The following LMTK2 variants were observed in gnomAD, a reference collection of about 807,000 sequenced individuals.
LMTK2 encodes the protein serine/threonine-protein kinase LMTK2.
In LMTK2, 37 loss-of-function variants were observed where a neutral mutation model predicts 127.5. The observed-to-expected ratio is 0.29, with a 90% confidence interval of 0.22 to 0.38. The LOEUF (loss-of-function observed/expected upper bound fraction) is 0.38, where lower values mean the gene tolerates loss of function less well. Ranked by LOEUF, LMTK2 falls within the 10% of genes least tolerant of loss-of-function variation. The pLI is 1.00. For synonymous variants in LMTK2, 819 were observed against 810.1 expected (o/e 1.01, Z -0.19); for missense variants, 1,694 against 1,920.3 (o/e 0.88, Z 2.20).
intron 1 of LMTK2, among the ~76,000 whole-genome samples, chr7:98,121,087 G>T (rs534785261): frequency 6.6e-6 from 1 of 152,086 alleles, no homozygotes; most frequent in African/African-American, 2.4e-5. Flanking sequence ...GTCTCACACC[G>T]CCAGTTAGGG....
In LMTK2 at chr7:98,198,313, C is replaced by T. The variant is rs180845170; in HGVS notation, c.4107+3741C>T. On this transcript the variant is annotated intron_variant, in intron 11 of 13. Transcript: ENST00000297293. ...TCAAGCAATTCTCCTGCCTCCACCT[C>T]CTCAATAGCTGGGATTACAGGCGTG... 1.1e-4 allele frequency among the ~76,000 whole-genome samples: 16 copies of T among 152,136 alleles called. No homozygotes were observed. In the East Asian group the frequency reaches 3.1e-3, roughly 29 times the overall value.
At chr7:98,110,117 G>C (rs1796180019) in intron 1 of LMTK2, among the ~76,000 whole-genome samples, 1 of 152,078 alleles carries the variant, frequency 6.6e-6, no homozygotes, top group African/African-American at 2.4e-5. Context: ...CTTGAAGCCT[G>C]ATCAGTCTAT....
chr7:98,205,664 G>A lies in LMTK2; in HGVS notation c.*172G>A, dbSNP rs1326739052. ...TAGCTGCGTTCAAGGCGGGGCCCTC[G>A]GGAGCCCAGGTGCAGAGCGAGGCCG... On this transcript the variant is annotated 3_prime_UTR_variant, in exon 14 of 14. Transcript: ENST00000297293. The A allele has an allele frequency of 5.6e-6, 4 of 712,014 alleles. No individual in the cohort carries two copies. Among genetic ancestry groups the A allele is most frequent in the African/African-American group, 1.8e-5 (1 of 56,412 alleles). The allele number at this position is 712,014 out of a possible 1,614,324, so 44.1% of individuals were successfully genotyped here.
chr7:98,131,976 T>C (rs916251191), intron 1 of LMTK2, among the ~76,000 whole-genome samples: 3 of 152,092 alleles, frequency 2.0e-5, no homozygotes, highest in African/African-American at 7.2e-5. Flanking sequence ...GGGGAAATGA[T>C]TGATAGGAGG....
chr7:98,141,444 A>G lies in LMTK2; in HGVS notation c.279A>G (p.Ala93=), dbSNP rs761343876. 20 of 1,613,258 alleles carry G rather than the reference A, an allele frequency of 1.2e-5. No individual in the cohort carries two copies. Among genetic ancestry groups the G allele is most frequent in the Non-Finnish European group, 1.6e-5 (19 of 1,179,260 alleles). ...FDDEIDFTPP[A]EDTPSVQSPA... is the part of the protein sequence containing the mutation. ...ATGAGATAGATTTCACACCACCAGC[A>G]GAAGACACTCCCTCTGTTCAGTCCC... is the stretch of plus-strand genomic sequence containing the variant. Residue 93 remains alanine, a synonymous_variant, in exon 3 of 14, where the codon GCA becomes GCG. Coordinates refer to ENST00000297293, the MANE Select transcript of LMTK2 (RefSeq NM_014916.4).
chr7:98,124,953 A>G (rs191495683), intron 1 of LMTK2, among the ~76,000 whole-genome samples: 1 of 152,328 alleles, frequency 6.6e-6, no homozygotes, highest in Admixed American at 6.5e-5. Context: ...CATTTCTTGC[A>G]TGATTTAGTT....
At chr7:98,186,779 T>G in intron 8 of LMTK2, 98 bp from the exon 9 acceptor site, 2 of 1,052,898 alleles carry the variant, frequency 1.9e-6, no homozygotes, top group Non-Finnish European at 2.7e-6. Flanking sequence ...GGTTTTTGGA[T>G]TGGGTATATG....
intron 1 of LMTK2, among the ~76,000 whole-genome samples, chr7:98,125,200 G>T (rs1055910357): frequency 4.6e-5 from 7 of 152,130 alleles, no homozygotes; most frequent in Admixed American, 3.9e-4. Context: ...CTACTCAGGA[G>T]GCTGAGGCAG....
In LMTK2 at chr7:98,193,111, G is replaced by T. The variant is rs1323329049; in HGVS notation, c.2646G>T (p.Arg882Ser). 6 of 1,613,664 alleles carry T rather than the reference G, an allele frequency of 3.7e-6. No homozygotes were observed. Among genetic ancestry groups the T allele is most frequent in the African/African-American group, 1.3e-5 (1 of 75,008 alleles). ...TDARTHSLDN[R>S]SQDSPGESEE... ...CCAGAACCCACAGCCTGGATAACAG[G>T]TCCCAGGACTCTCCTGGCGAGAGTG... The change falls in exon 11 of 14, where the codon AGG becomes AGT. Residue 882 changes from arginine (R) to serine (S), a missense_variant. Around this residue, in one of 8 missense-constraint regions of LMTK2, gnomAD observed 527 missense variants for 539.8 expected, o/e 0.98. Transcript: ENST00000297293. The surrounding 1 kb of genome is among the most constrained non-coding windows in gnomAD (Gnocchi z 4.1).
At chr7:98,157,493 A>AAAACT (rs1285359567) in intron 5 of LMTK2, among the ~76,000 whole-genome samples, 3 of 152,148 alleles carry the variant, frequency 2.0e-5, no homozygotes, top group Non-Finnish European at 4.4e-5. Flanking sequence ...CAGAGCAGTG[A>AAAACT]AAACTTTTTT....
rs765180124 is a variant in LMTK2, at chr7:98,193,040, A to G, written c.2575A>G (p.Ser859Gly). The G allele has an allele frequency of 5.4e-5, 87 of 1,614,026 alleles. No homozygotes were observed. Among genetic ancestry groups the G allele is most frequent in the Non-Finnish European group, 7.4e-5 (87 of 1,180,034 alleles). ...VPEDCLHQDI[S>G]PDAVTVPVEI... ...GGAGGACTGTCTCCACCAGGACATC[A>G]GTCCAGACGCTGTGACTGTCCCGGT... The change falls in exon 11 of 14, where the codon AGT (serine) becomes GGT (glycine). Residue 859 changes from serine to glycine, a missense_variant. By Grantham distance (56) the Ser-to-Gly change is moderately conservative. Coordinates refer to ENST00000297293, the MANE Select transcript of LMTK2 (RefSeq NM_014916.4). This position sits in a 1 kb window ranked among gnomAD's most constrained non-coding sequence, Gnocchi z 4.1.
chr7:98,176,295 C>A (rs566015999), intron 7 of LMTK2, among the ~76,000 whole-genome samples: 2 of 152,112 alleles, frequency 1.3e-5, no homozygotes, highest in Non-Finnish European at 2.9e-5. Context: ...TTTCTTCCGA[C>A]AGGAAAGGAA....
intron 3 of LMTK2, among the ~76,000 whole-genome samples, chr7:98,148,971 C>T (rs570463567): frequency 1.3e-5 from 2 of 152,364 alleles, no homozygotes; most frequent in African/African-American, 4.8e-5. Context: ...AAATCTCACT[C>T]CCCGGCTTTT....
intron 7 of LMTK2, among the ~76,000 whole-genome samples, chr7:98,178,424 T>C (rs1433892291): frequency 6.6e-6 from 1 of 152,196 alleles, no homozygotes; most frequent in South Asian, 2.1e-4. Context: ...GCTCCCACTT[T>C]CTGTCGATCG....
intron 11 of LMTK2, among the ~76,000 whole-genome samples, chr7:98,201,790 T>A (rs1248026023): frequency 6.6e-6 from 1 of 152,110 alleles, no homozygotes; most frequent in Admixed American, 6.6e-5. Flanking sequence ...TTAAATTGTT[T>A]GTAGAGACAG....
intron 3 of LMTK2, among the ~76,000 whole-genome samples, chr7:98,142,356 GTT>G (rs1796711395): frequency 1.3e-5 from 2 of 152,246 alleles, no homozygotes; most frequent in South Asian, 4.1e-4. Flanking sequence ...ACGTGACATA[GTT>G]GGTGCATTTC....
Position 98,193,264 on chromosome 7 carries a change from C to T in LMTK2, c.2799C>T (p.Asp933=), listed in dbSNP as rs149813191. Residue 933 remains aspartate (D), a synonymous_variant, in exon 11 of 14, where the codon GAC becomes GAT. Coordinates refer to ENST00000297293, the MANE Select transcript of LMTK2 (RefSeq NM_014916.4). The surrounding 1 kb of genome is among the most constrained non-coding windows in gnomAD (Gnocchi z 4.1). ...TGCACAATAAACCATTTTCGGAAGACCATCACAGTCATCGCCGGCTAGAGA... is the reference window on the plus strand; with the variant it reads ...TGCACAATAAACCATTTTCGGAAGATCATCACAGTCATCGCCGGCTAGAGA... ...QELHNKPFSE[D]HHSHRRLEKN... 59 of 1,613,630 alleles carry T rather than the reference C, an allele frequency of 3.7e-5. No individual in the cohort carries two copies. The African/African-American group carries it at 4.7e-4, about 13-fold the overall frequency.
intron 1 of LMTK2, among the ~76,000 whole-genome samples, chr7:98,110,821 G>A (rs1796192582): frequency 1.3e-5 from 2 of 152,206 alleles, no homozygotes; most frequent in Non-Finnish European, 2.9e-5. Flanking sequence ...AGGACCTCAC[G>A]GAAGCCCGTG....
chr7:98,116,741 A>C (rs1017378860), intron 1 of LMTK2, among the ~76,000 whole-genome samples: 2 of 152,216 alleles, frequency 1.3e-5, no homozygotes, highest in African/African-American at 2.4e-5. Flanking sequence ...ATAAGTCCAC[A>C]GCTTGTTCAG....
Sources: allele counts gnomAD v4.1 joint callset (sites outside exome capture counted in the v4.1 genomes callset), GRCh38; gene constraint gnomAD v4.1.1; regional missense constraint gnomAD v4.1.1; non-coding constraint Gnocchi (gnomAD v3.1); transcripts MANE v1.5; gene names NCBI Gene and HGNC (gene_info 2026-07-23, HGNC 2026-07-21).